Variants in ANO3 observed in about 807,000 individuals in gnomAD.
ANO3 encodes the protein anoctamin-3.
A neutral mutation model predicts 144.8 loss-of-function variants in ANO3; 99 were observed. The observed-to-expected ratio is 0.68, with a 90% CI of 0.58 to 0.81. The LOEUF (loss-of-function observed/expected upper bound fraction) is 0.81. Among genes scored for constraint, ANO3 ranks in the 30% least tolerant of loss-of-function variants. ANO3 has a pLI of 0.00. For missense variants in ANO3, 905 were observed against 1,202.2 expected, an observed-to-expected ratio of 0.75 and a Z score of 3.66; for synonymous variants, 414 against 392.6, an observed-to-expected ratio of 1.05 and a Z score of -0.64.
chr11:26,300,253 CCAAA>C (rs1365318933), intron 1 of ANO3, among the ~76,000 whole-genome samples: 25 of 151,970 alleles, frequency 1.6e-4, no homozygotes, highest in East Asian at 7.7e-4. Context: ...CACAGAGACA[CCAAA>C]CAGACACACA....
At chr11:26,601,643 T>C (rs932902914) in intron 17 of ANO3, among the ~76,000 whole-genome samples, 11 of 152,252 alleles carry the variant, frequency 7.2e-5, no homozygotes, top group Non-Finnish European at 2.9e-5. Context: ...AGAGCCATTT[T>C]CAGCACAGAC....
intron 1 of ANO3, among the ~76,000 whole-genome samples, chr11:26,251,170 G>A (rs939814592): frequency 5.9e-5 from 9 of 152,050 alleles, no homozygotes; most frequent in South Asian, 2.1e-4. Flanking sequence ...GTAAATTGGG[G>A]GACTGTATTT....
chr11:26,211,516 A>G (rs1851932092), intron 1 of ANO3, among the ~76,000 whole-genome samples: 1 of 152,174 alleles, frequency 6.6e-6, no homozygotes, highest in Non-Finnish European at 1.5e-5. Flanking sequence ...ATGAGATACC[A>G]TCTCACACCA....
At chr11:26,361,894 C>G (rs376136704) in intron 1 of ANO3, among the ~76,000 whole-genome samples, 3 of 152,154 alleles carry the variant, frequency 2.0e-5, no homozygotes, top group Non-Finnish European at 4.4e-5. Flanking sequence ...TCTTTTCTCT[C>G]CTTCAGAGAT....
intron 1 of ANO3, among the ~76,000 whole-genome samples, chr11:26,239,545 C>T (rs1212458517): frequency 6.6e-6 from 1 of 152,192 alleles, no homozygotes; most frequent in South Asian, 2.1e-4. Flanking sequence ...AACATCATCT[C>T]AACAAAGAGA....
chr11:26,492,501 TTAGA>T (rs749241722), intron 4 of ANO3, among the ~76,000 whole-genome samples: 23 of 152,174 alleles, frequency 1.5e-4, no homozygotes, highest in Non-Finnish European at 3.4e-4. Flanking sequence ...TTATTATATG[TTAGA>T]TAGTGATTTA....
Position 26,463,087 on chromosome 11 carries a change from C to G in ANO3, c.371C>G (p.Ser124Cys), listed in dbSNP as rs1859473584. 1 of 1,597,664 alleles carries G rather than the reference C, an allele frequency of 6.3e-7. No homozygotes were observed. Among genetic ancestry groups the G allele is most frequent in the Non-Finnish European group, 8.5e-7 (1 of 1,171,908 alleles). Residue 124 changes from serine (S) to cysteine (C), a missense_variant, in exon 4 of 27, where the codon TCT becomes TGT. Around this residue, in one of 4 missense-constraint regions of ANO3, gnomAD observed 174 missense variants for 171.9 expected, o/e 1.01. Coordinates refer to ENST00000256737, the MANE Select transcript of ANO3 (RefSeq NM_031418.4). ...DESEHATYDR[S>C]RLINDFVIKD... ...TCAGAACACGCTACTTATGACCGAT[C>G]TCGTCTCATTAATGACTTTGTTATC...
intron 1 of ANO3, among the ~76,000 whole-genome samples, chr11:26,243,946 C>T (rs1002592008): frequency 1.5e-4 from 22 of 151,654 alleles, no homozygotes; most frequent in Admixed American, 1.1e-3. Context: ...GGTGAAACTC[C>T]GCCTGTACTA....
rs191653402 is a variant in ANO3 at position 26,234,714 on chromosome 11, T to C, written c.154+45384T>C. ...ATGTCTTAGAAGGTATTGAAGTAAA[T>C]AGCCCACATTATGCCCCTTTGTTCC... On this transcript the variant is annotated intron_variant, in intron 1 of 27. Coordinates refer to the ANO3 transcript ENST00000672621. 2.5e-3 allele frequency among the ~76,000 whole-genome samples: 373 copies of C among 152,232 alleles called. 1 individual carries two copies. The highest frequency in any genetic ancestry group is 3.3e-3 in the Non-Finnish European group (227 of 68,010).
chr11:26,269,682 A>T (rs1297852536), intron 1 of ANO3, among the ~76,000 whole-genome samples: 1 of 145,082 alleles, frequency 6.9e-6, no homozygotes, highest in Admixed American at 6.6e-5. Context: ...GCTGCACTGC[A>T]GCACACCTTG....
At chr11:26,514,877 C>A (rs1330552209) in intron 5 of ANO3, among the ~76,000 whole-genome samples, 5 of 151,990 alleles carry the variant, frequency 3.3e-5, no homozygotes, top group African/African-American at 1.2e-4. Flanking sequence ...TCACAAAAAC[C>A]TTTTCACCAA....
intron 1 of ANO3, among the ~76,000 whole-genome samples, chr11:26,375,444 T>C (rs1856378582): frequency 6.6e-6 from 1 of 152,206 alleles, no homozygotes; most frequent in African/African-American, 2.4e-5. Flanking sequence ...TGTCCAGAAA[T>C]TTATTCATCT....
chr11:26,531,195 T>G lies in ANO3; in HGVS notation c.738-10T>G, dbSNP rs1424296515. ...ACCTAATCTAGTTCTCAAATGTGAC[T>G]TCATTCCAGGATGCAAACTTATTTT... On this transcript the variant is annotated splice_polypyrimidine_tract_variant and intron_variant, in intron 7 of 26. Coordinates refer to ENST00000256737, the MANE Select transcript of ANO3 (RefSeq NM_031418.4). 1 of 1,613,744 alleles carries G rather than the reference T, an allele frequency of 6.2e-7. No individual in the cohort carries two copies. Among genetic ancestry groups the G allele is most frequent in the Non-Finnish European group, 8.5e-7 (1 of 1,179,896 alleles).
chr11:26,274,964 T>C (rs1853525517), intron 1 of ANO3, among the ~76,000 whole-genome samples: 1 of 151,888 alleles, frequency 6.6e-6, no homozygotes, highest in African/African-American at 2.4e-5. Flanking sequence ...TATATATTAA[T>C]TTTTTATTTA....
intron 1 of ANO3, among the ~76,000 whole-genome samples, chr11:26,406,639 A>G (rs1377399991): frequency 6.7e-6 from 1 of 150,342 alleles, no homozygotes; most frequent in Non-Finnish European, 1.5e-5. Context: ...ATAAACCATT[A>G]AGGCAGCCCA....
At chr11:26,434,333 G>T (rs1356058451) in intron 1 of ANO3, among the ~76,000 whole-genome samples, 1 of 151,662 alleles carries the variant, frequency 6.6e-6, no homozygotes, top group Non-Finnish European at 1.5e-5. Flanking sequence ...TTCTTTATTA[G>T]TCTAGCTATT....
At chr11:26,294,678 C>G (rs1304013422) in intron 1 of ANO3, among the ~76,000 whole-genome samples, 1 of 152,164 alleles carries the variant, frequency 6.6e-6, no homozygotes, top group Non-Finnish European at 1.5e-5. Flanking sequence ...AGTGACTTTG[C>G]CCCTCACTCA....
At chr11:26,226,960 C>G (rs1852269880) in intron 1 of ANO3, among the ~76,000 whole-genome samples, 2 of 152,092 alleles carry the variant, frequency 1.3e-5, no homozygotes, top group Non-Finnish European at 2.9e-5. Flanking sequence ...CTTTCAAACC[C>G]TGATAGCCAC....
chr11:26,479,041 A>G (rs1860096737), intron 4 of ANO3, among the ~76,000 whole-genome samples: 1 of 152,200 alleles, frequency 6.6e-6, no homozygotes, highest in South Asian at 2.1e-4. Context: ...ACAGAGAAAA[A>G]AGCAAAAACA....
Sources: allele counts gnomAD v4.1 joint callset (sites outside exome capture counted in the v4.1 genomes callset), GRCh38; gene constraint gnomAD v4.1.1; regional missense constraint gnomAD v4.1.1; transcripts MANE v1.5; gene names NCBI Gene and HGNC (gene_info 2026-07-23, HGNC 2026-07-21).